NAV2: variants seen among roughly 807,000 people sequenced by gnomAD.
NAV2 encodes neuron navigator 2.
In NAV2, 54 loss-of-function variants were observed where a neutral mutation model predicts 223.2. The observed-to-expected ratio is 0.24, with a 90% CI of 0.19 to 0.30. NAV2 has a LOEUF of 0.30. Among genes scored for constraint, NAV2 ranks in the 10% least tolerant of loss-of-function variants. NAV2 has a pLI of 1.00. For synonymous variants in NAV2, 1,279 were observed against 1,239.3 expected (o/e 1.03, Z -0.67); for missense variants, 2,806 against 3,147.5 (o/e 0.89, Z 2.60).
At chr11:19,818,963 A>G (rs534552434) in intron 1 of NAV2, among the ~76,000 whole-genome samples, 1 of 151,740 alleles carries the variant, frequency 6.6e-6, no homozygotes, top group African/African-American at 2.4e-5. Flanking sequence ...TTTTCCACCC[A>G]CTCATCCACG....
At chr11:19,641,819 C>T (rs1249033668) in intron 1 of NAV2, among the ~76,000 whole-genome samples, 1 of 152,032 alleles carries the variant, frequency 6.6e-6, no homozygotes, top group Admixed American at 6.6e-5. Flanking sequence ...ATGGCTTCTA[C>T]CCACTCTCTT....
intron 6 of NAV2, among the ~76,000 whole-genome samples, chr11:19,894,881 C>T (rs923852247): frequency 1.3e-5 from 2 of 152,078 alleles, no homozygotes; most frequent in Admixed American, 1.3e-4. Context: ...CAGGCATGTG[C>T]CACCACGCCC....
chr11:19,968,959 G>A (rs2048998491), intron 10 of NAV2, among the ~76,000 whole-genome samples: 1 of 152,076 alleles, frequency 6.6e-6, no homozygotes, highest in African/African-American at 2.4e-5. Flanking sequence ...GGTTGCCTGG[G>A]TGCTTGGCTG....
chr11:20,004,654 AG>A, intron 11 of NAV2, among the ~76,000 whole-genome samples: 1 of 152,290 alleles, frequency 6.6e-6, no homozygotes, highest in South Asian at 2.1e-4. Context: ...GTGTAACTTA[AG>A]GGGGTGCTGA....
chr11:20,045,068 C>A lies in NAV2; in HGVS notation c.3300C>A (p.Asp1100Glu), dbSNP rs1289218119. Residue 1100 changes from aspartate to glutamate, a missense_variant, in exon 14 of 38, where the codon GAC (aspartate) becomes GAA (glutamate). Physicochemically the swap from Asp to Glu is conservative, Grantham distance 45 (BLOSUM62 2). Around this residue, in one of 4 missense-constraint regions of NAV2, gnomAD observed 742 missense variants for 777.9 expected, o/e 0.95. Transcript: ENST00000349880. ...SPSDAGRSSG[D>E]ESKKPLPSSS... ...CAGATGCAGGCCGGAGCAGTGGTGA[C>A]GAATCCAAAAAGCCCCTCCCCAGCA... The A allele has an allele frequency of 1.2e-6, 2 of 1,614,012 alleles. No homozygotes were observed. The highest frequency in any genetic ancestry group is 4.5e-5 in the East Asian group (2 of 44,890).
intron 1 of NAV2, among the ~76,000 whole-genome samples, chr11:19,773,625 G>A (rs1163452910): frequency 6.6e-6 from 1 of 152,214 alleles, no homozygotes; most frequent in Non-Finnish European, 1.5e-5. Context: ...GAAATAGGAG[G>A]AAGGAGAAAG....
At chr11:20,024,726 T>C (rs2153541125) in intron 11 of NAV2, among the ~76,000 whole-genome samples, 1 of 152,356 alleles carries the variant, frequency 6.6e-6, no homozygotes, top group Middle Eastern at 3.4e-3. Flanking sequence ...CTCCCTTGGC[T>C]GCCCTGGGGC....
intron 6 of NAV2, among the ~76,000 whole-genome samples, chr11:19,917,892 C>A (rs954228599): frequency 2.6e-5 from 4 of 152,238 alleles, no homozygotes; most frequent in African/African-American, 9.6e-5. Flanking sequence ...GCTGGGATTA[C>A]AAGCGTGATC....
intron 1 of NAV2, among the ~76,000 whole-genome samples, chr11:19,568,865 G>A (rs55866947): frequency 0.014 from 2,162 of 152,264 alleles, 67 homozygotes; most frequent in African/African-American, 0.049. Context: ...GAGTTATTGG[G>A]CCAAAGTCAT....
chr11:19,581,025 G>A (rs963780142), intron 1 of NAV2, among the ~76,000 whole-genome samples: 3 of 152,174 alleles, frequency 2.0e-5, no homozygotes, highest in African/African-American at 7.2e-5. Context: ...CTAACAAGGT[G>A]GATAATCTCT....
intron 1 of NAV2, among the ~76,000 whole-genome samples, chr11:19,597,277 T>C (rs1386625942): frequency 5.3e-5 from 8 of 152,244 alleles, no homozygotes; most frequent in Non-Finnish European, 1.2e-4. Context: ...AATCTATTTA[T>C]GAAAGAGTTG....
chr11:19,458,475 A>T (rs1852038126), intron 1 of NAV2, among the ~76,000 whole-genome samples: 1 of 152,260 alleles, frequency 6.6e-6, no homozygotes, highest in South Asian at 2.1e-4. Context: ...GCCCAGGACC[A>T]TTCCATGGCT....
intron 11 of NAV2, among the ~76,000 whole-genome samples, chr11:20,025,320 T>C (rs2054941316): frequency 6.6e-6 from 1 of 152,228 alleles, no homozygotes; most frequent in Admixed American, 6.5e-5. Context: ...TTTGCTATAA[T>C]ATGCTGAACT....
intron 12 of NAV2, among the ~76,000 whole-genome samples, chr11:20,040,125 G>T (rs1372768058): frequency 6.6e-6 from 1 of 152,182 alleles, no homozygotes; most frequent in East Asian, 1.9e-4. Context: ...TGATGTTGAT[G>T]CAGATAATTA....
chr11:19,415,347 G>A (rs1387137641), intron 1 of NAV2, among the ~76,000 whole-genome samples: 1 of 152,168 alleles, frequency 6.6e-6, no homozygotes, highest in Admixed American at 6.5e-5. Flanking sequence ...AAATCTAGAA[G>A]AAATAGATAA....
chr11:20,094,253 A>G lies in NAV2; in HGVS notation c.5916+1054A>G, dbSNP rs1474697870. On this transcript the variant is annotated intron_variant, in intron 29 of 37. Transcript: ENST00000349880. ...TTTTTTTTTTTTTTTTTTTGGAGGCAGAGTCTCACTCTGTTGCCCAGGCTG... is the reference window on the plus strand; with the variant it reads ...TTTTTTTTTTTTTTTTTTTGGAGGCGGAGTCTCACTCTGTTGCCCAGGCTG... 2.6e-5 allele frequency among the ~76,000 whole-genome samples: 3 copies of G among 116,606 alleles called. 1 individual carries two copies. Among genetic ancestry groups the G allele is most frequent in the African/African-American group, 1.0e-4 (3 of 28,596 alleles). 76.5% of individuals were successfully genotyped at this position (116,606 alleles called of 152,430 possible).
intron 1 of NAV2, among the ~76,000 whole-genome samples, chr11:19,575,096 A>G (rs2045535705): frequency 6.6e-6 from 1 of 152,230 alleles, no homozygotes; most frequent in South Asian, 2.1e-4. Flanking sequence ...GCTGCACTTA[A>G]GATCCGGGGT....
intron 1 of NAV2, among the ~76,000 whole-genome samples, chr11:19,462,948 T>C (rs1022370526): frequency 5.9e-4 from 90 of 152,326 alleles, no homozygotes; most frequent in Middle Eastern, 3.4e-3. Flanking sequence ...TTTGGCACTT[T>C]CTGGGCTGAG....
rs943076826 is a variant in NAV2 at position 19,620,385 on chromosome 11, T to C, written c.76-212099T>C. Among the ~76,000 whole-genome samples, 82 of 152,346 alleles carry C rather than the reference T, an allele frequency of 5.4e-4. 1 individual carries two copies. Among genetic ancestry groups the C allele is most frequent in the Non-Finnish European group, 1.0e-3 (70 of 68,038 alleles). On this transcript the variant is annotated intron_variant, in intron 1 of 37. Transcript: ENST00000360655. The stretch of plus-strand genomic sequence containing the variant: ...ATTTTCATGATATTGATTCTTCCTA[T>C]CCGTGAGCATGGATTGTTCTTCCAT...
Sources: allele counts gnomAD v4.1 joint callset (sites outside exome capture counted in the v4.1 genomes callset), GRCh38; gene constraint gnomAD v4.1.1; regional missense constraint gnomAD v4.1.1; transcripts MANE v1.5; gene names NCBI Gene and HGNC (gene_info 2026-07-23, HGNC 2026-07-21).